CORO2B: variants seen among roughly 807,000 people sequenced by gnomAD.
The protein encoded by CORO2B is coronin 2B, also known as coronin-2B.
Under a neutral mutation model 58.8 loss-of-function variants are expected in CORO2B, and 26 were observed. That is an observed-to-expected ratio of 0.44 (90% confidence interval 0.32 to 0.61). The LOEUF (loss-of-function observed/expected upper bound fraction) is 0.61, where lower values mean the gene tolerates loss of function less well. Among genes scored for constraint, CORO2B ranks in the 20% least tolerant of loss-of-function variants. CORO2B has a pLI of 0.04. For missense variants in CORO2B, 460 were observed against 645.1 expected (o/e 0.71, Z 3.11); for synonymous variants, 242 against 253.8 (o/e 0.95, Z 0.44).
intron 1 of CORO2B, among the ~76,000 whole-genome samples, chr15:68,634,034 G>A (rs749606213): frequency 6.6e-6 from 1 of 152,230 alleles, no homozygotes; most frequent in Non-Finnish European, 1.5e-5. Context: ...CTCGGCAGTG[G>A]CAGCTATGCC....
intron 1 of CORO2B, among the ~76,000 whole-genome samples, chr15:68,624,062 C>G (rs1165877066): frequency 6.6e-6 from 1 of 152,078 alleles, no homozygotes; most frequent in Non-Finnish European, 1.5e-5. Flanking sequence ...GGTGGCGGGT[C>G]CTGCTGTCTT....
intron 2 of CORO2B, among the ~76,000 whole-genome samples, chr15:68,649,958 A>T (rs1234591860): frequency 6.6e-6 from 1 of 152,244 alleles, no homozygotes; most frequent in East Asian, 1.9e-4. Context: ...GGACTGCATT[A>T]AATGGTCTCG....
chr15:68,526,910 G>C, the CORO2B span, among the ~76,000 whole-genome samples: 6 of 152,222 alleles, frequency 3.9e-5, no homozygotes, highest in Non-Finnish European at 8.8e-5. Context: ...TGAAGACAGG[G>C]TCTTGAAGGT....
the CORO2B span, among the ~76,000 whole-genome samples, chr15:68,556,387 C>T: frequency 1.3e-5 from 2 of 152,188 alleles, no homozygotes; most frequent in Non-Finnish European, 2.9e-5. Flanking sequence ...AAGCCAGGCA[C>T]AGGTCCCTAC....
At chr15:68,565,187 C>T in the CORO2B span, among the ~76,000 whole-genome samples, 2 of 152,046 alleles carry the variant, frequency 1.3e-5, no homozygotes, top group Non-Finnish European at 2.9e-5. Flanking sequence ...CAGATATGCA[C>T]AAGCTGTAAT....
At chr15:68,693,961 G>A (rs567299222) in intron 2 of CORO2B, among the ~76,000 whole-genome samples, 11 of 152,116 alleles carry the variant, frequency 7.2e-5, no homozygotes, top group Non-Finnish European at 1.5e-4. Flanking sequence ...TCAGCCTCCC[G>A]AGTAGCTGGG....
chr15:68,634,190 C>T (rs1900953551), intron 1 of CORO2B, among the ~76,000 whole-genome samples: 1 of 152,210 alleles, frequency 6.6e-6, no homozygotes, highest in Non-Finnish European at 1.5e-5. Context: ...GGGCTGAAAA[C>T]CAGAAGTCCT....
chr15:68,714,533 G>T, intron 6 of CORO2B, 26 bp from the exon 7 acceptor site: 1 of 1,585,798 alleles, frequency 6.3e-7, no homozygotes, highest in Non-Finnish European at 8.7e-7. Flanking sequence ...CCTGCAGAGA[G>T]GCTGAGACCA....
chr15:68,591,866 G>C (rs1899715467), intron 1 of CORO2B, among the ~76,000 whole-genome samples: 2 of 152,190 alleles, frequency 1.3e-5, no homozygotes, highest in African/African-American at 4.8e-5. Context: ...TTATAGCATG[G>C]CGAGAAGAGC....
the CORO2B span, among the ~76,000 whole-genome samples, chr15:68,519,216 A>T: frequency 6.6e-6 from 1 of 152,216 alleles, no homozygotes; most frequent in Non-Finnish European, 1.5e-5. Flanking sequence ...GCCAGGACAG[A>T]CAAGGGCTAA....
chr15:68,558,565 GA>G, the CORO2B span, among the ~76,000 whole-genome samples: 82 of 152,232 alleles, frequency 5.4e-4, no homozygotes, highest in African/African-American at 1.9e-3. Flanking sequence ...TTGTAGAAAT[GA>G]GATCTTACGT....
At chr15:68,531,500 AAAGGAAGG>A in the CORO2B span, among the ~76,000 whole-genome samples, 1,342 of 113,800 alleles carry the variant, frequency 0.012, 24 homozygotes, top group African/African-American at 0.023. Flanking sequence ...GTATCTCAAA[AAAGGAAGG>A]AAGGAAGGAA....
intron 2 of CORO2B, among the ~76,000 whole-genome samples, chr15:68,655,271 C>T (rs1200374745): frequency 2.0e-5 from 3 of 152,198 alleles, no homozygotes; most frequent in Admixed American, 6.5e-5. Flanking sequence ...GGAATTGAGA[C>T]GGAGGCTCCT....
At chr15:68,524,311 A>G in the CORO2B span, among the ~76,000 whole-genome samples, 2 of 152,232 alleles carry the variant, frequency 1.3e-5, no homozygotes, top group African/African-American at 4.8e-5. Context: ...AACCAGAAGT[A>G]AAAGTATGAC....
At chr15:68,688,403 C>T (rs547336421) in intron 2 of CORO2B, among the ~76,000 whole-genome samples, 12 of 152,238 alleles carry the variant, frequency 7.9e-5, no homozygotes, top group Admixed American at 7.8e-4. Context: ...AAATCTGAAA[C>T]TTCTTGATCA....
the CORO2B span, among the ~76,000 whole-genome samples, chr15:68,555,818 A>AG: frequency 3.3e-5 from 5 of 151,930 alleles, no homozygotes; most frequent in African/African-American, 1.2e-4. Flanking sequence ...GCCAGGGAGG[A>AG]GGGGGACAGG....
At chr15:68,617,107 C>A (rs1177345758) in intron 1 of CORO2B, among the ~76,000 whole-genome samples, 1 of 152,090 alleles carries the variant, frequency 6.6e-6, no homozygotes, top group South Asian at 2.1e-4. Flanking sequence ...GGGACTGAGA[C>A]AGAGCCAGGT....
chr15:68,631,419 C>T (rs2140260284), intron 1 of CORO2B, among the ~76,000 whole-genome samples: 1 of 152,252 alleles, frequency 6.6e-6, no homozygotes, highest in Non-Finnish European at 1.5e-5. Flanking sequence ...ACACAAGCTC[C>T]AAAAAGTTAA....
At chr15:68,562,911 A>G in the CORO2B span, among the ~76,000 whole-genome samples, 1 of 150,206 alleles carries the variant, frequency 6.7e-6, no homozygotes, top group African/African-American at 2.4e-5. Context: ...CGGGAGGTGG[A>G]GCTTGCAGTG....
Sources: allele counts gnomAD v4.1 joint callset (sites outside exome capture counted in the v4.1 genomes callset), GRCh38; gene constraint gnomAD v4.1.1; transcripts MANE v1.5; gene names NCBI Gene and HGNC (gene_info 2026-07-23, HGNC 2026-07-21).